The following BOD1L1 variants were observed in gnomAD, a reference collection of about 807,000 sequenced individuals.
BOD1L1 encodes biorientation of chromosomes in cell division protein 1-like 1.
BOD1L1 carries 86 observed loss-of-function variants against 240.7 expected under a neutral mutation model. That is an observed-to-expected ratio of 0.36 (90% CI 0.30 to 0.43). The LOEUF (loss-of-function observed/expected upper bound fraction) is 0.43. BOD1L1 is among the 20% of genes least tolerant of loss of function. The probability of loss-of-function intolerance (pLI) is 1.00; values close to 1 mark genes in which losing one functional copy is unlikely to be tolerated. For missense variants in BOD1L1, 3,554 were observed against 3,643.5 expected, an observed-to-expected ratio of 0.98 and a Z score of 0.63; for synonymous variants, 1,268 against 1,272.3, an observed-to-expected ratio of 1.00 and a Z score of 0.07.
intron 25 of BOD1L1, among the ~76,000 whole-genome samples, chr4:13,575,705 A>G (rs1399024487): frequency 3.3e-5 from 5 of 152,242 alleles, no homozygotes; most frequent in African/African-American, 9.6e-5. Flanking sequence ...CATGTTTGGG[A>G]AAGTGATTAA....
intron 15 of BOD1L1, 40 bp from the exon 16 acceptor site, chr4:13,587,811 T>C: frequency 2.2e-6 from 3 of 1,343,288 alleles, no homozygotes; most frequent in Non-Finnish European, 3.1e-6. Context: ...CATAGAATCT[T>C]GATTCAAATA....
rs767186765 is a variant in BOD1L1, at chr4:13,600,029, C to T, written c.6871G>A (p.Ala2291Thr). 30 of 1,608,878 alleles carry T rather than the reference C, an allele frequency of 1.9e-5. No homozygotes were observed. The highest frequency in any genetic ancestry group is 4.0e-5 in the African/African-American group (3 of 74,840). Reference sequence around the variant, plus strand: ...TCAGAGGTGCTTGTGGAAATCATGGCGGTGTCACCCATCTCTTCCGCTGGT... The same window carrying T: ...TCAGAGGTGCTTGTGGAAATCATGGTGGTGTCACCCATCTCTTCCGCTGGT... ...VTPAEEMGDT[A>T]MISTSTSEGC... is the part of the protein sequence containing the mutation. The change falls in exon 10 of 26, where the codon GCC becomes ACC. Residue 2291 changes from alanine (A) to threonine (T), a missense_variant. Transcript: ENST00000040738.
Position 13,601,194 on chromosome 4 carries a change from T to C in BOD1L1, c.5706A>G (p.Ala1902=). 1 of 1,614,038 alleles carries C rather than the reference T, an allele frequency of 6.2e-7. No homozygotes were observed. The highest frequency in any genetic ancestry group is 8.5e-7 in the Non-Finnish European group (1 of 1,179,904). ...CAGTACCAATCTGACTGTCCCCTTC[T>C]GCACTTTCACAAATCAAGACCCCTT... ...ESEGVLICES[A]EGDSQIGTVV... The change falls in exon 10 of 26, where the codon GCA becomes GCG. Residue 1902 remains alanine (A), a synonymous_variant. Transcript: ENST00000040738.
chr4:13,603,278 G>T lies in BOD1L1; in HGVS notation c.3622C>A (p.His1208Asn). 6.2e-7 allele frequency: 1 copy of T among 1,613,898 alleles called. No homozygotes were observed. ...ATTTTGGACACAGCACTTTGTATAT[G>T]CATTTTCTTGGTCAAGGTGCTTCTA... ...DHRSTLTKKM[H>N]IQSAVSKMNP... is the part of the protein sequence containing the mutation. The change falls in exon 10 of 26, where the codon CAT becomes AAT. Residue 1208 changes from histidine (H) to asparagine (N), a missense_variant. Around this residue, in one of 2 missense-constraint regions of BOD1L1, gnomAD observed 3,393 missense variants for 3,427.1 expected, o/e 0.99. Transcript: ENST00000040738.
Position 13,581,048 on chromosome 4 carries a change from T to C in BOD1L1, c.8675A>G (p.Asp2892Gly). ...PVETTLKMKDDSKTDTGIVTV... is the reference protein window; with the variant it reads ...PVETTLKMKDGSKTDTGIVTV... ...GACAATGCCAGTATCTGTTTTGGAG[T>C]CGTCTTCTAAAAAAAAAAAATTCAC... Residue 2892 changes from aspartate to glycine, a missense_variant, in exon 21 of 26, where the codon GAC (aspartate) becomes GGC (glycine). Coordinates refer to ENST00000040738, the MANE Select transcript of BOD1L1 (RefSeq NM_148894.3). 1 of 1,570,412 alleles carries C rather than the reference T, an allele frequency of 6.4e-7. No individual in the cohort carries two copies. The highest frequency in any genetic ancestry group is 8.6e-7 in the Non-Finnish European group (1 of 1,156,986).
intron 2 of BOD1L1, among the ~76,000 whole-genome samples, chr4:13,616,746 G>A (rs1489951134): frequency 2.6e-5 from 4 of 152,030 alleles, no homozygotes; most frequent in Non-Finnish European, 4.4e-5. Context: ...GCACCTTGTC[G>A]CCTTGTGAAA....
intron 2 of BOD1L1, among the ~76,000 whole-genome samples, chr4:13,618,077 A>G (rs943044227): frequency 6.6e-6 from 1 of 152,206 alleles, no homozygotes; most frequent in Non-Finnish European, 1.5e-5. Context: ...TGTGATCACA[A>G]TATCTTACTG....
rs1971278 is a variant in BOD1L1 at position 13,604,952 on chromosome 4, A to T, written c.1948T>A (p.Leu650Ile). Residue 650 changes from leucine (L) to isoleucine (I), a missense_variant, in exon 10 of 26, where the codon TTA (leucine) becomes ATA (isoleucine). Physicochemically the swap from Leu to Ile is conservative, Grantham distance 5. This residue lies in a region of BOD1L1 where 3,393 missense variants were observed against 3,427.1 expected (regional missense o/e 0.99). Transcript: ENST00000040738. ...VVDENKNESKLEREHKRRTST... is the reference protein window; with the variant it reads ...VVDENKNESKIEREHKRRTST... ...GTCCGTCTTTTATGTTCTCTTTCTA[A>T]TTTGGATTCATTTTTGTTTTCGTCA... 0.81 allele frequency: 1,299,533 copies of T among 1,613,234 alleles called. 532,039 individuals are homozygous for T. Among genetic ancestry groups the T allele is most frequent in the East Asian group, 0.96 (43,088 of 44,844 alleles).
intron 5 of BOD1L1, 47 bp from the exon 6 acceptor site, chr4:13,611,147 A>C: frequency 7.2e-7 from 1 of 1,392,348 alleles, no homozygotes; most frequent in Non-Finnish European, 9.9e-7. Flanking sequence ...GAATTAGCAT[A>C]AAATCAACAT....
chr4:13,596,070 A>T, intron 11 of BOD1L1, 126 bp from the exon 12 acceptor site: 1 of 733,316 alleles, frequency 1.4e-6, no homozygotes, highest in Non-Finnish European at 2.3e-6. Flanking sequence ...TTTCAAGAGT[A>T]CACAAAACTT....
rs1362953556 is a variant in BOD1L1, at chr4:13,601,726, C to T, written c.5174G>A (p.Gly1725Asp). ...TTCTGCTCCTGTACATGTCACAGTG[C>T]CCTCTGTTTCTTTTTTGGGACCCAT... ...MRMGPKKETE[G>D]TVTCTGAEGR... The change falls in exon 10 of 26, where the codon GGC (glycine) becomes GAC (aspartate). Residue 1725 changes from glycine (G) to aspartate (D), a missense_variant. Transcript: ENST00000040738. 6 of 1,613,836 alleles carry T rather than the reference C, an allele frequency of 3.7e-6. No homozygotes were observed. The highest frequency in any genetic ancestry group is 2.7e-5 in the African/African-American group (2 of 74,904).
At position 13,569,109 on chromosome 4, in the gene BOD1L1, G is replaced by C. The variant is rs995028619; in HGVS notation, c.*902C>G. Reference sequence around the variant, plus strand: ...TAAAATCCTGAAACTGGATAGACAGGAGGGACCTAATCTTGAATGCATTTC... The same window carrying C: ...TAAAATCCTGAAACTGGATAGACAGCAGGGACCTAATCTTGAATGCATTTC... On this transcript the variant is annotated 3_prime_UTR_variant, in exon 26 of 26. Coordinates refer to ENST00000040738, the MANE Select transcript of BOD1L1 (RefSeq NM_148894.3). 1 of 152,194 alleles carries C rather than the reference G, an allele frequency of 6.6e-6. No homozygotes were observed. The highest frequency in any genetic ancestry group is 1.5e-5 in the Non-Finnish European group (1 of 68,040). 9.4% of individuals were successfully genotyped at this position (152,194 alleles called of 1,614,324 possible). A position where few individuals can be genotyped will look rare whatever the true frequency, so the allele number is the denominator to read the frequency against.
In BOD1L1 at chr4:13,613,865, T is replaced by G. The variant is rs1369473540; in HGVS notation, c.1175-204A>C. Among the ~76,000 whole-genome samples, 1 of 152,136 alleles carries G rather than the reference T, an allele frequency of 6.6e-6. No individual in the cohort carries two copies. The highest frequency in any genetic ancestry group is 1.5e-5 in the Non-Finnish European group (1 of 67,996). On this transcript the variant is annotated intron_variant, in intron 4 of 25. Transcript: ENST00000040738. The surrounding 1 kb of genome is among the most constrained non-coding windows in gnomAD (Gnocchi z 4.0). The stretch of plus-strand genomic sequence containing the variant: ...AACTATTAATTTATAATGTATGATA[T>G]AATAATAAAATGAATTTTAAGTAAC...
intron 10 of BOD1L1, among the ~76,000 whole-genome samples, chr4:13,598,245 T>C (rs140431566): frequency 1.3e-5 from 2 of 152,352 alleles, no homozygotes; most frequent in African/African-American, 4.8e-5. Context: ...GGAAAAATGT[T>C]TCTTTTCACT....
chr4:13,584,476 G>GTC (rs1174431674), intron 17 of BOD1L1, among the ~76,000 whole-genome samples: 3 of 151,196 alleles, frequency 2.0e-5, no homozygotes, highest in African/African-American at 7.3e-5. Context: ...GTGTGTGTGT[G>GTC]TGTGTGTTGG....
At chr4:13,598,842 C>T (rs1348270396) in intron 10 of BOD1L1, 104 bp downstream of exon 10, 2 of 1,209,232 alleles carry the variant, frequency 1.7e-6, no homozygotes, top group Non-Finnish European at 2.3e-6. Context: ...GATATTTTAT[C>T]TTTCTGGAAC....
In BOD1L1 at chr4:13,576,933, C is replaced by A. The variant is rs138615866; in HGVS notation, c.8943G>T (p.Lys2981Asn). 46 of 1,613,890 alleles carry A rather than the reference C, an allele frequency of 2.9e-5. No homozygotes were observed. In the African/African-American group the frequency reaches 4.8e-4, roughly 17 times the overall value. The change falls in exon 25 of 26, where the codon AAG (lysine) becomes AAT (asparagine). Residue 2981 changes from lysine (K) to asparagine (N), a missense_variant. Physicochemically the swap from Lys to Asn is moderately conservative, Grantham distance 94 (BLOSUM62 0). Coordinates refer to ENST00000040738, the MANE Select transcript of BOD1L1 (RefSeq NM_148894.3). ...QKSVSDPVED[K>N]KEQESDEEEE... ...CTTCCTCATCAGACTCCTGCTCTTT[C>A]TTGTCCTCCACTGGATCAGAAACTG...
intron 25 of BOD1L1, among the ~76,000 whole-genome samples, chr4:13,574,540 T>A (rs1049215523): frequency 2.6e-5 from 4 of 152,242 alleles, no homozygotes; most frequent in African/African-American, 9.6e-5. Flanking sequence ...GAGCAATTTC[T>A]AGACACTCAC....
At position 13,578,716 on chromosome 4, in the gene BOD1L1, A is replaced by G. The variant is rs535223432; in HGVS notation, c.8750-1085T>C. The stretch of plus-strand genomic sequence containing the variant: ...GTGTGAGCCACCACACCTGGCTAAT[A>G]TGGACTTTTCAATTTCAGTGTAGCT... On this transcript the variant is annotated intron_variant, in intron 22 of 25. Transcript: ENST00000040738. Among the ~76,000 whole-genome samples the G allele has an allele frequency of 1.6e-4, 24 of 152,240 alleles. 1 individual carries two copies. The South Asian group carries it at 4.6e-3, about 29-fold the overall frequency.
Sources: allele counts gnomAD v4.1 joint callset (sites outside exome capture counted in the v4.1 genomes callset), GRCh38; gene constraint gnomAD v4.1.1; regional missense constraint gnomAD v4.1.1; non-coding constraint Gnocchi (gnomAD v3.1); transcripts MANE v1.5; gene names NCBI Gene and HGNC (gene_info 2026-07-23, HGNC 2026-07-21).